AKAP8L: variants seen among roughly 807,000 people sequenced by gnomAD.
AKAP8L encodes A-kinase anchoring protein 8 like.
Under a neutral mutation model 77.5 loss-of-function variants are expected in AKAP8L, and 34 were observed. The ratio of observed to expected loss-of-function variants is 0.44; its 90% CI spans 0.33 to 0.58. The LOEUF is 0.58. Ranked by LOEUF, AKAP8L falls within the 20% of genes least tolerant of loss-of-function variation. The pLI is 0.02. For synonymous variants in AKAP8L, 342 were observed against 340.7 expected, an observed-to-expected ratio of 1.00 and a Z score of -0.04; for missense variants, 806 against 887.6, an observed-to-expected ratio of 0.91 and a Z score of 1.17.
intron 12 of AKAP8L, chr19:15,383,181 G>A (rs1019041180): frequency 7.9e-5 from 12 of 152,190 alleles, no homozygotes; most frequent in African/African-American, 2.9e-4. Context: ...TCCTGTTGGA[G>A]AGGTTAGTGC....
chr19:15,418,896 C>T lies in AKAP8L; in HGVS notation c.13+15G>A, dbSNP rs764688057. ...ATCCCCCACGCAGAGCCCGACCCCACCCTGCCAGGCCCACCTGTGTAGCTC... is the reference window on the plus strand; with the variant it reads ...ATCCCCCACGCAGAGCCCGACCCCATCCTGCCAGGCCCACCTGTGTAGCTC... On this transcript the variant is annotated intron_variant, in intron 1 of 13. Transcript: ENST00000397410. The T allele has an allele frequency of 6.2e-7, 1 of 1,601,044 alleles. No individual in the cohort carries two copies.
At chr19:15,415,730 C>T (rs1182238969) in intron 1 of AKAP8L, among the ~76,000 whole-genome samples, 1 of 151,670 alleles carries the variant, frequency 6.6e-6, no homozygotes, top group Non-Finnish European at 1.5e-5. Flanking sequence ...ACTAAAAATA[C>T]AAAAAATTAG....
chr19:15,405,678 C>A (rs1177674179), intron 2 of AKAP8L, among the ~76,000 whole-genome samples: 1 of 151,798 alleles, frequency 6.6e-6, no homozygotes, highest in East Asian at 2.0e-4. Flanking sequence ...AATCCCAGAA[C>A]TTTGGGAGGC....
In AKAP8L at chr19:15,380,333, C is replaced by T. The variant is rs765234638; in HGVS notation, c.1730G>A (p.Gly577Glu). The T allele has an allele frequency of 9.1e-6, 14 of 1,542,204 alleles. No individual in the cohort carries two copies. The highest frequency in any genetic ancestry group is 1.2e-5 in the Non-Finnish European group (14 of 1,148,530). Reference protein sequence around the residue: ...LDEGAQGEAAGISEGAEGVPA... With the variant: ...LDEGAQGEAAEISEGAEGVPA... ...CACGCCCTCTGCGCCCTCCGAGATC[C>T]CTGCCGCTTCGCCCTGCGCCCCCTC... Residue 577 changes from glycine (G) to glutamate (E), a missense_variant, in exon 14 of 14, where the codon GGG (glycine) becomes GAG (glutamate). This residue lies in a region of AKAP8L where 226 missense variants were observed against 193.5 expected (regional missense o/e 1.17). Transcript: ENST00000397410.
At position 15,403,843 on chromosome 19, in the gene AKAP8L, C is replaced by A; in HGVS notation, c.122-128G>T. 1 of 1,072,136 alleles carries A rather than the reference C, an allele frequency of 9.3e-7. No homozygotes were observed. 66.4% of individuals were successfully genotyped at this position (1,072,136 alleles called of 1,614,324 possible). On this transcript the variant is annotated intron_variant, in intron 3 of 13. Coordinates refer to ENST00000397410, the MANE Select transcript of AKAP8L (RefSeq NM_014371.4). The surrounding 1 kb of genome is among the most constrained non-coding windows in gnomAD (Gnocchi z 4.3). ...AGAGAGAAGACCCTAGCCACTGAAGCTAGATGGGCCCTGGTCATTCTGATG... is the reference window on the plus strand; with the variant it reads ...AGAGAGAAGACCCTAGCCACTGAAGATAGATGGGCCCTGGTCATTCTGATG...
At chr19:15,418,649 G>A (rs1346975058) in intron 1 of AKAP8L, among the ~76,000 whole-genome samples, 1 of 152,240 alleles carries the variant, frequency 6.6e-6, no homozygotes, top group Non-Finnish European at 1.5e-5. Flanking sequence ...CTCGTGCGCT[G>A]AGGCCCGGAC....
chr19:15,402,603 C>G (rs1351762482), intron 4 of AKAP8L, among the ~76,000 whole-genome samples: 2 of 152,224 alleles, frequency 1.3e-5, no homozygotes, highest in Non-Finnish European at 2.9e-5. Flanking sequence ...GGCATCAAAT[C>G]CCCTTGTGCC....
At position 15,380,271 on chromosome 19, in the gene AKAP8L, CG is replaced by C; in HGVS notation, c.1791del (p.Ala599ProfsTer?). 6.6e-7 allele frequency: 1 copy of C among 1,516,490 alleles called. No individual in the cohort carries two copies. Among genetic ancestry groups the C allele is most frequent in the Admixed American group, 2.1e-5 (1 of 47,254 alleles). The allele number at this position is 1,516,490 out of a possible 1,614,324, so 93.9% of individuals were successfully genotyped here. ...AQPPVPPEPA[P>X]GAVSPPPPPP... ...GGCGGCGGTGGCGGCGACACGGCCC[CG>C]GGGGCTGGCTCTGGGGGCACGGGAG... On this transcript the variant is annotated frameshift_variant, in exon 14 of 14. Transcript: ENST00000397410. LOFTEE classifies it high-confidence loss of function.
intron 12 of AKAP8L, among the ~76,000 whole-genome samples, chr19:15,390,732 C>G (rs528947607): frequency 6.6e-6 from 1 of 152,230 alleles, no homozygotes; most frequent in South Asian, 2.1e-4. Flanking sequence ...TATGACCAAG[C>G]AGGATATATC....
chr19:15,408,636 C>T (rs1968049148), intron 2 of AKAP8L, among the ~76,000 whole-genome samples: 1 of 149,696 alleles, frequency 6.7e-6, no homozygotes, highest in South Asian at 2.1e-4. Context: ...GTAATCCCAA[C>T]ACTTTGGGAG....
rs962680282 is a variant in AKAP8L, at chr19:15,380,272, G to A, written c.1791C>T (p.Pro597=). ...AQPPVPPEPA[P]GAVSPPPPPP... ...GCGGCGGTGGCGGCGACACGGCCCCGGGGGCTGGCTCTGGGGGCACGGGAG... is the reference window on the plus strand; with the variant it reads ...GCGGCGGTGGCGGCGACACGGCCCCAGGGGCTGGCTCTGGGGGCACGGGAG... Residue 597 remains proline (P), a synonymous_variant, in exon 14 of 14, where the codon CCC becomes CCT. Transcript: ENST00000397410. 73 of 1,514,284 alleles carry A rather than the reference G, an allele frequency of 4.8e-5. No individual in the cohort carries two copies. Among genetic ancestry groups the A allele is most frequent in the Non-Finnish European group, 6.1e-5 (70 of 1,139,610 alleles). 93.8% of individuals were successfully genotyped at this position (1,514,284 alleles called of 1,614,324 possible). A position where few individuals can be genotyped will look rare whatever the true frequency, so the allele number is the denominator to read the frequency against.
At chr19:15,416,293 A>C (rs1328512435) in intron 1 of AKAP8L, among the ~76,000 whole-genome samples, 1 of 152,154 alleles carries the variant, frequency 6.6e-6, no homozygotes, top group Non-Finnish European at 1.5e-5. Flanking sequence ...CGTTATGTAG[A>C]TCCCTCCCAA....
intron 2 of AKAP8L, among the ~76,000 whole-genome samples, chr19:15,405,728 C>G (rs1299643813): frequency 6.6e-6 from 1 of 151,604 alleles, no homozygotes; most frequent in Non-Finnish European, 1.5e-5. Context: ...TCGAGACCAG[C>G]CTGGCCAATA....
At chr19:15,408,997 C>T (rs931316223) in intron 2 of AKAP8L, among the ~76,000 whole-genome samples, 1 of 151,998 alleles carries the variant, frequency 6.6e-6, no homozygotes, top group East Asian at 1.9e-4. Context: ...ATACTGCACA[C>T]CTTGTAGAAA....
intron 12 of AKAP8L, among the ~76,000 whole-genome samples, chr19:15,381,530 T>C (rs1342914197): frequency 1.3e-5 from 2 of 152,182 alleles, no homozygotes; most frequent in Admixed American, 1.3e-4. Flanking sequence ...ATATTTTTGG[T>C]GGGGTGGGAG....
intron 13 of AKAP8L, 42 bp from the exon 14 acceptor site, chr19:15,380,472 C>T: frequency 6.2e-7 from 1 of 1,612,774 alleles, no homozygotes; most frequent in Non-Finnish European, 8.5e-7. Context: ...GGAGCACAGG[C>T]GGGGACTAAG....
chr19:15,383,796 C>T (rs968435789), intron 12 of AKAP8L: 1 of 152,136 alleles, frequency 6.6e-6, no homozygotes, highest in African/African-American at 2.4e-5. Context: ...CAGTCCTACT[C>T]CCCGACTGAT....
chr19:15,417,808 G>A (rs1157803183), intron 1 of AKAP8L: 1 of 152,224 alleles, frequency 6.6e-6, no homozygotes, highest in Non-Finnish European at 1.5e-5. Flanking sequence ...TCACCAAACA[G>A]GGAGGCCTAG....
chr19:15,417,250 A>C (rs1004280814), intron 1 of AKAP8L, among the ~76,000 whole-genome samples: 2 of 152,150 alleles, frequency 1.3e-5, no homozygotes, highest in African/African-American at 4.8e-5. Flanking sequence ...GTTTTTAAAA[A>C]CCATGAAACT....
Sources: allele counts gnomAD v4.1 joint callset (sites outside exome capture counted in the v4.1 genomes callset), GRCh38; gene constraint gnomAD v4.1.1; regional missense constraint gnomAD v4.1.1; non-coding constraint Gnocchi (gnomAD v3.1); transcripts MANE v1.5; gene names NCBI Gene and HGNC (gene_info 2026-07-23, HGNC 2026-07-21).